HMGXB3: variants seen among roughly 807,000 people sequenced by gnomAD.
HMGXB3 encodes the protein HMG domain-containing protein 3.
In HMGXB3, 45 loss-of-function variants were observed where a neutral mutation model predicts 121.5. That is an observed-to-expected ratio of 0.37 (90% CI 0.29 to 0.47). The LOEUF (loss-of-function observed/expected upper bound fraction) is 0.47. Among genes scored for constraint, HMGXB3 ranks in the 20% least tolerant of loss-of-function variants. The pLI is 0.99. For synonymous variants in HMGXB3, 590 were observed against 624.1 expected, an observed-to-expected ratio of 0.95 and a Z score of 0.81; for missense variants, 1,376 against 1,602.2, an observed-to-expected ratio of 0.86 and a Z score of 2.41.
At chr5:150,014,229 A>C (rs1019277365) in intron 5 of HMGXB3, among the ~76,000 whole-genome samples, 1 of 152,154 alleles carries the variant, frequency 6.6e-6, no homozygotes, top group African/African-American at 2.4e-5. Context: ...AAATATTAAC[A>C]CCCATGGGAT....
rs1330069785 is a variant in HMGXB3 at position 150,051,876 on chromosome 5, A to G, written c.3563A>G (p.His1188Arg). The G allele has an allele frequency of 1.3e-6, 2 of 1,551,340 alleles. No homozygotes were observed. Among genetic ancestry groups the G allele is most frequent in the South Asian group, 1.2e-5 (1 of 84,064 alleles). The change falls in exon 20 of 20, where the codon CAC becomes CGC. Residue 1188 changes from histidine to arginine, a missense_variant. Around this residue, in one of 2 missense-constraint regions of HMGXB3, gnomAD observed 260 missense variants for 233.2 expected, o/e 1.11. Coordinates refer to ENST00000502717, the MANE Select transcript of HMGXB3 (RefSeq NM_014983.3). ...QPNPGDPSAG[H>R]HSLALCPELA... ...AATCCTGGTGACCCCAGTGCTGGGC[A>G]CCACTCCTTGGCCCTGTGCCCTGAA...
intron 5 of HMGXB3, among the ~76,000 whole-genome samples, chr5:150,017,794 A>C (rs990683077): frequency 3.3e-5 from 5 of 152,234 alleles, no homozygotes; most frequent in African/African-American, 1.2e-4. Context: ...GTTTTTTTCC[A>C]GCCTTAATCT....
At chr5:150,001,730 A>G (rs1190907287) in intron 1 of HMGXB3, among the ~76,000 whole-genome samples, 1 of 152,148 alleles carries the variant, frequency 6.6e-6, no homozygotes, top group Non-Finnish European at 1.5e-5. Flanking sequence ...ACTTGTACTC[A>G]GGCTTAGAAC....
rs182441440 is a variant in HMGXB3, at chr5:150,024,411, A to G, written c.1191A>G (p.Val397=). Residue 397 remains valine (V), a synonymous_variant, in exon 7 of 20, where the codon GTA becomes GTG. Transcript: ENST00000502717. ...SKLTLENSEA[V]SQLLNVAPPR... ...TGACTCTGGAGAATTCGGAAGCTGTAAGCCAGCTCCTGAACGTAGCTCCTC... is the reference window on the plus strand; with the variant it reads ...TGACTCTGGAGAATTCGGAAGCTGTGAGCCAGCTCCTGAACGTAGCTCCTC... 3.3e-4 allele frequency: 505 copies of G among 1,551,754 alleles called. 4 individuals carry two copies. In the East Asian group the frequency reaches 0.011, roughly 34 times the overall value.
At position 150,031,866 on chromosome 5, in the gene HMGXB3, A is replaced by T. The variant is rs1218565011; in HGVS notation, c.1834-588A>T. On this transcript the variant is annotated intron_variant, in intron 10 of 19. Coordinates refer to ENST00000502717, the MANE Select transcript of HMGXB3 (RefSeq NM_014983.3). Reference sequence around the variant, plus strand: ...GATCCATAAGGAGAATGTGTCTCTTATCCTGGAGATCTGCTCAGGTTTCTT... The same window carrying T: ...GATCCATAAGGAGAATGTGTCTCTTTTCCTGGAGATCTGCTCAGGTTTCTT... Among the ~76,000 whole-genome samples the T allele has an allele frequency of 4.6e-5, 7 of 152,258 alleles. No homozygotes were observed. The East Asian group carries it at 1.2e-3, about 25-fold the overall frequency.
chr5:150,000,751 GC>G lies in HMGXB3; in HGVS notation c.-429del, dbSNP rs933409944. The G allele has an allele frequency of 6.5e-6, 1 of 154,730 alleles. No individual in the cohort carries two copies. The highest frequency in any genetic ancestry group is 2.4e-5 in the African/African-American group (1 of 41,512). The allele number at this position is 154,730 out of a possible 1,614,324, so 9.6% of individuals were successfully genotyped here. On this transcript the variant is annotated 5_prime_UTR_variant, in exon 1 of 20. Transcript: ENST00000502717. ...GGGTCTCCCTGGCGATCCGTGGTGT[GC>G]CGCTACTGCCGGTGCAGCCGCCAAA...
At chr5:150,026,942 G>A in intron 8 of HMGXB3, 61 bp downstream of exon 8, 2 of 1,526,856 alleles carry the variant, frequency 1.3e-6, no homozygotes, top group Admixed American at 2.0e-5. Context: ...ACAGGAGTGG[G>A]GGGTTGAGAA....
At chr5:150,013,081 T>C (rs1369423115) in intron 5 of HMGXB3, among the ~76,000 whole-genome samples, 2 of 152,228 alleles carry the variant, frequency 1.3e-5, no homozygotes, top group African/African-American at 4.8e-5. Context: ...AATTCCTTCT[T>C]TTTCTTGCCT....
At chr5:150,033,682 C>CG (rs545616660) in intron 11 of HMGXB3, among the ~76,000 whole-genome samples, 11 of 152,032 alleles carry the variant, frequency 7.2e-5, no homozygotes, top group Admixed American at 7.2e-4. Flanking sequence ...GTCCTTGAGC[C>CG]GGGGAGAGGC....
chr5:150,040,976 G>C (rs1227991473), intron 14 of HMGXB3, 97 bp downstream of exon 14: 1 of 1,182,438 alleles, frequency 8.5e-7, no homozygotes, highest in Non-Finnish European at 1.1e-6. Flanking sequence ...TTGAAGAAGA[G>C]TCTGATTATT....
chr5:150,020,351 G>C (rs1756059929), intron 6 of HMGXB3, among the ~76,000 whole-genome samples: 1 of 152,222 alleles, frequency 6.6e-6, no homozygotes, highest in South Asian at 2.1e-4. Context: ...CAAAAAGGCA[G>C]TTCTCTAACT....
intron 15 of HMGXB3, among the ~76,000 whole-genome samples, chr5:150,043,324 TG>T (rs1756681274): frequency 6.6e-6 from 1 of 152,224 alleles, no homozygotes; most frequent in African/African-American, 2.4e-5. Context: ...AGGCAGGGAC[TG>T]CGCCTTGAAT....
At chr5:150,043,326 C>A (rs545473705) in intron 15 of HMGXB3, among the ~76,000 whole-genome samples, 3 of 152,192 alleles carry the variant, frequency 2.0e-5, no homozygotes, top group African/African-American at 7.2e-5. Context: ...GCAGGGACTG[C>A]GCCTTGAATA....
intron 10 of HMGXB3, 68 bp downstream of exon 10, chr5:150,030,907 T>C: frequency 1.7e-6 from 2 of 1,165,684 alleles, no homozygotes; most frequent in Non-Finnish European, 2.5e-6. Flanking sequence ...TGAAGGTCAG[T>C]AGGAGGCTGG....
At position 150,010,374 on chromosome 5, in the gene HMGXB3, G is replaced by T. The variant is rs1307709400; in HGVS notation, c.576G>T (p.Val192=). The stretch of plus-strand genomic sequence containing the variant: ...CTGTGGAGGCCCTGGCTGAGGAGGT[G>T]GGAGCCCTTACCCAGTCAGGTGCTG... ...CLAVEALAEE[V]GALTQSGAVQ... is the part of the protein sequence containing the mutation. Residue 192 remains valine (V), a synonymous_variant, in exon 4 of 20, where the codon GTG becomes GTT. Coordinates refer to ENST00000502717, the MANE Select transcript of HMGXB3 (RefSeq NM_014983.3). 1.3e-6 allele frequency: 2 copies of T among 1,551,558 alleles called. No individual in the cohort carries two copies. Among genetic ancestry groups the T allele is most frequent in the Non-Finnish European group, 8.7e-7 (1 of 1,146,998 alleles).
At chr5:150,014,177 C>T (rs1053740341) in intron 5 of HMGXB3, among the ~76,000 whole-genome samples, 2 of 152,204 alleles carry the variant, frequency 1.3e-5, no homozygotes, top group African/African-American at 4.8e-5. Context: ...ACGGATACTA[C>T]CAGAGACCTT....
At chr5:150,023,935 G>A (rs1055336179) in intron 6 of HMGXB3, among the ~76,000 whole-genome samples, 3 of 152,230 alleles carry the variant, frequency 2.0e-5, no homozygotes, top group Non-Finnish European at 4.4e-5. Flanking sequence ...CACAGAAGTA[G>A]CCTTTGAATA....
chr5:150,021,085 A>C (rs766473467), intron 6 of HMGXB3, among the ~76,000 whole-genome samples: 1 of 152,210 alleles, frequency 6.6e-6, no homozygotes, highest in African/African-American at 2.4e-5. Flanking sequence ...AGCTCATGGC[A>C]TGAAAACAAT....
intron 6 of HMGXB3, among the ~76,000 whole-genome samples, chr5:150,023,201 C>T (rs551302445): frequency 3.3e-5 from 5 of 152,020 alleles, no homozygotes; most frequent in East Asian, 1.9e-4. Context: ...GGGTAGTAAG[C>T]GACTGGGAGA....
Sources: allele counts gnomAD v4.1 joint callset (sites outside exome capture counted in the v4.1 genomes callset), GRCh38; gene constraint gnomAD v4.1.1; regional missense constraint gnomAD v4.1.1; transcripts MANE v1.5; gene names NCBI Gene and HGNC (gene_info 2026-07-23, HGNC 2026-07-21).